NOL10: variants seen among roughly 807,000 people sequenced by gnomAD.
The protein encoded by NOL10 is H_NH0074G24.1.
In NOL10, 58 loss-of-function variants were observed where a neutral mutation model predicts 103.5. That is an observed-to-expected ratio of 0.56 (90% CI 0.45 to 0.70). NOL10 has a LOEUF of 0.70. NOL10 is among the 30% of genes least tolerant of loss of function. NOL10 has a pLI of 0.00. For synonymous variants in NOL10, 287 were observed against 282.5 expected, an observed-to-expected ratio of 1.02 and a Z score of -0.16; for missense variants, 763 against 807.3, an observed-to-expected ratio of 0.95 and a Z score of 0.67.
At chr2:10,687,024 A>T (rs1572457270) in intron 1 of NOL10, among the ~76,000 whole-genome samples, 1 of 152,316 alleles carries the variant, frequency 6.6e-6, no homozygotes, top group African/African-American at 2.4e-5. Flanking sequence ...TAAAGCCAGG[A>T]GACTGCCTAG....
Position 10,589,261 on chromosome 2 carries a change from T to C in NOL10, c.1626A>G (p.Pro542=), listed in dbSNP as rs1446179156. 17 of 1,613,778 alleles carry C rather than the reference T, an allele frequency of 1.1e-5. No individual in the cohort carries two copies. The highest frequency in any genetic ancestry group is 1.4e-5 in the Non-Finnish European group (16 of 1,179,890). Residue 542 remains proline (P), a synonymous_variant, in exon 19 of 21, where the codon CCA becomes CCG. Transcript: ENST00000381685. The part of the protein sequence containing the change: ...KEEEEEPEGK[P]SDAESSESSD... ...AACTCTCCGAACTTTCTGCATCACT[T>C]GGTTTTCCTTCCGGCTCTTCCTCCT...
intron 2 of NOL10, among the ~76,000 whole-genome samples, chr2:10,683,541 C>T (rs1681932924): frequency 6.6e-6 from 1 of 152,180 alleles, no homozygotes; most frequent in Non-Finnish European, 1.5e-5. Context: ...GACCTGCATG[C>T]TTACTGGGTA....
chr2:10,655,316 GA>G (rs1292350787), intron 11 of NOL10, among the ~76,000 whole-genome samples: 1 of 151,942 alleles, frequency 6.6e-6, no homozygotes, highest in Non-Finnish European at 1.5e-5. Flanking sequence ...AAGGAAAAAA[GA>G]AAAGAAAACA....
rs1308154492 is a variant in NOL10 at position 10,571,959 on chromosome 2, C to A, written c.*112G>T. 1 of 1,271,960 alleles carries A rather than the reference C, an allele frequency of 7.9e-7. No homozygotes were observed. The highest frequency in any genetic ancestry group is 2.3e-5 in the East Asian group (1 of 42,750). 78.8% of individuals were successfully genotyped at this position (1,271,960 alleles called of 1,614,324 possible). A position where few individuals can be genotyped will look rare whatever the true frequency, so the allele number is the denominator to read the frequency against. ...AAATCTTTACCTCTGTGTACAAGAA[C>A]GTACATGAACTTTAAAAACGTGTGT... On this transcript the variant is annotated 3_prime_UTR_variant, in exon 21 of 21. Coordinates refer to ENST00000381685, the MANE Select transcript of NOL10 (RefSeq NM_024894.4).
intron 17 of NOL10, among the ~76,000 whole-genome samples, chr2:10,596,803 C>T (rs1675716466): frequency 6.6e-6 from 1 of 152,106 alleles, no homozygotes; most frequent in African/African-American, 2.4e-5. Context: ...CAGCAAGAAA[C>T]TGACAAAAAA....
chr2:10,587,976 A>C (rs111407972), intron 19 of NOL10, among the ~76,000 whole-genome samples: 3,204 of 152,162 alleles, frequency 0.021, 50 homozygotes, highest in Non-Finnish European at 0.032. Context: ...CCACCTCAAG[A>C]CTGCTCCCTT....
chr2:10,663,811 A>G (rs1034982094), intron 8 of NOL10, among the ~76,000 whole-genome samples: 1 of 151,838 alleles, frequency 6.6e-6, no homozygotes, highest in Non-Finnish European at 1.5e-5. Context: ...TTAGCCGGGC[A>G]TGGTGGCGGG....
At chr2:10,627,572 G>A (rs1041529932) in intron 13 of NOL10, among the ~76,000 whole-genome samples, 1 of 152,062 alleles carries the variant, frequency 6.6e-6, no homozygotes, top group Admixed American at 6.5e-5. Context: ...CTACTCGGGA[G>A]GCTGAGGCAG....
At chr2:10,689,755 C>A (rs1464388469) in intron 1 of NOL10, 41 bp downstream of exon 1, 1 of 1,566,258 alleles carries the variant, frequency 6.4e-7, no homozygotes, top group Non-Finnish European at 8.7e-7. Flanking sequence ...GGAGGACGAC[C>A]CCCAAGAGCT....
chr2:10,590,546 C>T (rs773452651), intron 17 of NOL10, among the ~76,000 whole-genome samples: 28 of 96,218 alleles, frequency 2.9e-4, no homozygotes, highest in Non-Finnish European at 5.5e-4. Context: ...GTCAGTTTAC[C>T]GATTCCAGCT....
chr2:10,636,406 T>C (rs1678218817), intron 13 of NOL10, among the ~76,000 whole-genome samples: 1 of 105,538 alleles, frequency 9.5e-6, no homozygotes, highest in African/African-American at 3.8e-5. Context: ...TGAAACCCTG[T>C]CTCTACAAAA....
At chr2:10,689,710 G>T in intron 1 of NOL10, 86 bp downstream of exon 1, 1 of 1,356,616 alleles carries the variant, frequency 7.4e-7, no homozygotes, top group Non-Finnish European at 1.0e-6. Flanking sequence ...CTAAAACAGA[G>T]GCTAGGGCCG....
chr2:10,648,142 T>C (rs143719388), intron 12 of NOL10, among the ~76,000 whole-genome samples: 96 of 152,304 alleles, frequency 6.3e-4, no homozygotes, highest in African/African-American at 2.0e-3. Flanking sequence ...AGCAGGGCCC[T>C]GAACAAGGCA....
intron 14 of NOL10, chr2:10,604,968 A>G (rs991230353): frequency 6.6e-6 from 1 of 152,352 alleles, no homozygotes; most frequent in East Asian, 1.9e-4. Context: ...TTAACCTAGC[A>G]TTTCCCAAAC....
Position 10,577,752 on chromosome 2 carries a change from A to C in NOL10, c.1845-14T>G. On this transcript the variant is annotated splice_polypyrimidine_tract_variant and intron_variant, in intron 19 of 20. Coordinates refer to ENST00000381685, the MANE Select transcript of NOL10 (RefSeq NM_024894.4). ...TCAAGGGTTTTGCTATGGGAAATTCAAAAGAATGCCACATTAATCAAAATT... is the reference window on the plus strand; with the variant it reads ...TCAAGGGTTTTGCTATGGGAAATTCCAAAGAATGCCACATTAATCAAAATT... 1.3e-6 allele frequency: 2 copies of C among 1,520,622 alleles called. No homozygotes were observed. The highest frequency in any genetic ancestry group is 1.8e-6 in the Non-Finnish European group (2 of 1,103,180). The allele number at this position is 1,520,622 out of a possible 1,614,324, so 94.2% of individuals were successfully genotyped here.
At position 10,577,766 on chromosome 2, in the gene NOL10, TTAA is replaced by T. The variant is rs375907878; in HGVS notation, c.1845-31_1845-29del. 1.1e-4 allele frequency: 147 copies of T among 1,393,406 alleles called. No individual in the cohort carries two copies. In the African/African-American group the frequency reaches 1.8e-3, roughly 17 times the overall value. The allele number at this position is 1,393,406 out of a possible 1,614,324, so 86.3% of individuals were successfully genotyped here. ...ATGGGAAATTCAAAAGAATGCCACA[TTAA>T]TCAAAATTATGTTTTAATTTACCAT... On this transcript the variant is annotated intron_variant, in intron 19 of 20. Coordinates refer to ENST00000381685, the MANE Select transcript of NOL10 (RefSeq NM_024894.4).
intron 1 of NOL10, among the ~76,000 whole-genome samples, chr2:10,685,501 CCCCCCCGCCA>C (rs1484037401): frequency 0.075 from 1,166 of 15,576 alleles, 17 homozygotes; most frequent in African/African-American, 0.13. Context: ...CCCCCCCCCC[CCCCCCCGCCA>C]AAAAAAAAGA....
chr2:10,591,088 G>C (rs1201345963), intron 17 of NOL10: 1 of 152,120 alleles, frequency 6.6e-6, no homozygotes, highest in East Asian at 1.9e-4. Context: ...TAAGGAACTT[G>C]GCCTGTTTAT....
intron 12 of NOL10, among the ~76,000 whole-genome samples, chr2:10,645,703 T>G (rs904963439): frequency 9.9e-5 from 15 of 152,102 alleles, no homozygotes; most frequent in African/African-American, 3.6e-4. Flanking sequence ...GCTAATTTTT[T>G]GTATTTTTAG....
Sources: gnomAD v4.1 joint callset for allele counts (sites outside exome capture counted in the v4.1 genomes callset) on GRCh38, gnomAD v4.1.1 for gene constraint, MANE v1.5 for transcripts, NCBI Gene and HGNC (gene_info 2026-07-23, HGNC 2026-07-21) for gene names.